Variants in CCDC57 observed in about 807,000 individuals in gnomAD.
CCDC57 encodes coiled-coil domain-containing protein 57.
In CCDC57, 118 loss-of-function variants were observed where a neutral mutation model predicts 118.9. The observed-to-expected ratio is 0.99, with a 90% CI of 0.86 to 1.16. CCDC57 has a LOEUF of 1.16. Among genes scored for constraint, CCDC57 ranks in the 50% most tolerant of loss-of-function variants. CCDC57 has a pLI of 0.00. For missense variants in CCDC57, 1,300 were observed against 1,320.7 expected (o/e 0.98, Z 0.24); for synonymous variants, 527 against 532.9 (o/e 0.99, Z 0.15).
At chr17:82,194,786 T>C (rs2048101804) in intron 5 of CCDC57, among the ~76,000 whole-genome samples, 1 of 152,228 alleles carries the variant, frequency 6.6e-6, no homozygotes. Context: ...AGGGGCTCAG[T>C]GCTGAGCAAG....
chr17:82,142,638 G>C (rs761678642), intron 16 of CCDC57, among the ~76,000 whole-genome samples: 2 of 152,050 alleles, frequency 1.3e-5, no homozygotes, highest in Non-Finnish European at 2.9e-5. Context: ...AAAACATGAT[G>C]GTGAGAAGGA....
chr17:82,157,927 G>A, exon 15 of CCDC57: 1 of 1,557,800 alleles, frequency 6.4e-7, no homozygotes, highest in Non-Finnish European at 8.7e-7. Flanking sequence ...AGAGCGGCCG[G>A]CTCCAGGGGT....
exon 16 of CCDC57, chr17:82,151,593 T>G (rs1163113849): frequency 6.5e-7 from 1 of 1,550,366 alleles, no homozygotes; most frequent in Non-Finnish European, 8.7e-7. Flanking sequence ...CGGAGCCTGT[T>G]CCCCATCTCG....
chr17:82,200,653 C>A (rs986383883), intron 3 of CCDC57, among the ~76,000 whole-genome samples: 1 of 151,816 alleles, frequency 6.6e-6, no homozygotes, highest in African/African-American at 2.4e-5. Context: ...ATTAGCCGGG[C>A]GTGGTGGTGG....
At chr17:82,119,223 T>C (rs1404512380) in intron 19 of CCDC57, among the ~76,000 whole-genome samples, 4 of 152,120 alleles carry the variant, frequency 2.6e-5, no homozygotes, top group South Asian at 2.1e-4. Flanking sequence ...GTATATTTAA[T>C]GCTTCCATCC....
intron 16 of CCDC57, among the ~76,000 whole-genome samples, chr17:82,143,147 C>T (rs1032756664): frequency 6.1e-5 from 7 of 115,390 alleles, no homozygotes; most frequent in Admixed American, 1.0e-4. Flanking sequence ...AGTGAAACTC[C>T]GTCAAAAAAA....
intron 13 of CCDC57, among the ~76,000 whole-genome samples, chr17:82,169,260 G>A (rs1320735961): frequency 6.6e-6 from 1 of 152,080 alleles, no homozygotes; most frequent in East Asian, 1.9e-4. Flanking sequence ...CCAAGTGGCT[G>A]GGATTACAGG....
chr17:82,161,996 A>C (rs2043396112), intron 14 of CCDC57, among the ~76,000 whole-genome samples: 1 of 121,022 alleles, frequency 8.3e-6, no homozygotes. Context: ...ATTTTACCAC[A>C]ATTAAAAAAA....
chr17:82,208,502 G>A (rs563177536), intron 1 of CCDC57, among the ~76,000 whole-genome samples: 32 of 151,650 alleles, frequency 2.1e-4, no homozygotes, highest in African/African-American at 7.7e-4. Context: ...TGATTCACCC[G>A]CCTCGGCCTC....
intron 3 of CCDC57, 51 bp downstream of exon 2, chr17:82,201,487 G>A (rs1300731487): frequency 1.4e-5 from 21 of 1,495,816 alleles, no homozygotes; most frequent in African/African-American, 4.1e-5. Context: ...GGAGGCATGT[G>A]GGGGCCTCTG....
At chr17:82,148,858 G>A (rs1233811871) in intron 16 of CCDC57, among the ~76,000 whole-genome samples, 1 of 92,446 alleles carries the variant, frequency 1.1e-5, no homozygotes, top group African/African-American at 4.1e-5. Context: ...TGGATGGACA[G>A]ATGGATGGGT....
Position 82,201,752 on chromosome 17 carries a change from C to A in CCDC57, c.193G>T (p.Glu65Ter), listed in dbSNP as rs928639361. 1 of 1,613,886 alleles carries A rather than the reference C, an allele frequency of 6.2e-7. No individual in the cohort carries two copies. The highest frequency in any genetic ancestry group is 8.5e-7 in the Non-Finnish European group (1 of 1,179,764). The change falls in exon 3 of 20, where the codon GAG becomes TAG. Residue 65 changes from glutamate to a stop codon, truncating the protein, a stop_gained. Coordinates refer to ENST00000665763, the Ensembl canonical transcript of CCDC57. LOFTEE classifies it high-confidence loss of function. ...CGCTCCAGCTCGAGGTCCCGCTCCT[C>A]CAGCACCTGAAGGTTGTAGACAAAG...
At chr17:82,204,715 G>A (rs940554271) in intron 2 of CCDC57, among the ~76,000 whole-genome samples, 2 of 152,094 alleles carry the variant, frequency 1.3e-5, no homozygotes, top group African/African-American at 4.8e-5. Flanking sequence ...CCCCGGAGGC[G>A]AAGCTTGCAG....
chr17:82,203,746 C>G (rs2049266159), intron 2 of CCDC57, among the ~76,000 whole-genome samples: 1 of 152,234 alleles, frequency 6.6e-6, no homozygotes, highest in Admixed American at 6.5e-5. Flanking sequence ...GGTGTCCACA[C>G]AGGGGAACTG....
rs771272621 is a variant in CCDC57 at position 82,183,938 on chromosome 17, C to T, written c.1053-6G>A. ...TTGATGCATCTTCACGAAGTCTAAA[C>T]ATAGAAGGGAAACTATGTAGATGTG... On this transcript the variant is annotated splice_region_variant and splice_polypyrimidine_tract_variant and intron_variant, in intron 8 of 19. Transcript: ENST00000665763. The T allele has an allele frequency of 3.7e-6, 6 of 1,605,538 alleles. No homozygotes were observed. In the Admixed American group the frequency reaches 8.4e-5, roughly 22 times the overall value.
At chr17:82,151,895 G>C in intron 15 of CCDC57, 122 bp from the exon 15 acceptor site, 1 of 773,654 alleles carries the variant, frequency 1.3e-6, no homozygotes. Context: ...GGCTGTCACT[G>C]GGTGACATCC....
At chr17:82,117,080 G>A (rs1027086666) in intron 19 of CCDC57, among the ~76,000 whole-genome samples, 1 of 152,226 alleles carries the variant, frequency 6.6e-6, no homozygotes, top group Admixed American at 6.5e-5. Context: ...TGGGCCAGGT[G>A]CGATGGCTCA....
chr17:82,192,049 G>A lies in CCDC57; in HGVS notation c.851+1707C>T, dbSNP rs1466009408. Among the ~76,000 whole-genome samples, 6 of 150,872 alleles carry A rather than the reference G, an allele frequency of 4.0e-5. No individual in the cohort carries two copies. The highest frequency in any genetic ancestry group is 3.9e-4 in the East Asian group (2 of 5,138). ...CACCCAGGCTGGAGTGCAGTGGCGC[G>A]GTCTCGGCTCAGTGAAACCTCCACC... On this transcript the variant is annotated intron_variant, in intron 7 of 19. Transcript: ENST00000665763. The surrounding 1 kb of genome is among the most constrained non-coding windows in gnomAD (Gnocchi z 4.0).
rs544968997 is a variant in CCDC57, at chr17:82,196,070, G to A, written c.517-706C>T. ...AGCCTGGGAAGTCAGCCATAGTCACGGCCCAGCCAGAAACTCTGACAAGAA... is the reference window on the plus strand; with the variant it reads ...AGCCTGGGAAGTCAGCCATAGTCACAGCCCAGCCAGAAACTCTGACAAGAA... On this transcript the variant is annotated intron_variant, in intron 4 of 19. Transcript: ENST00000665763. 1.2e-3 allele frequency among the ~76,000 whole-genome samples: 181 copies of A among 152,264 alleles called. 1 individual carries two copies. Among genetic ancestry groups the A allele is most frequent in the East Asian group, 9.6e-4 (5 of 5,188 alleles).
Sources: gnomAD v4.1 joint callset for allele counts (sites outside exome capture counted in the v4.1 genomes callset) on GRCh38, gnomAD v4.1.1 for gene constraint, Gnocchi (gnomAD v3.1) non-coding constraint, MANE v1.5 for transcripts, NCBI Gene and HGNC (gene_info 2026-07-23, HGNC 2026-07-21) for gene names.